The following THSD7A variants were observed in gnomAD, a reference collection of about 807,000 sequenced individuals.
THSD7A encodes thrombospondin type 1 domain containing 7A.
THSD7A carries 96 observed loss-of-function variants against 231.3 expected under a neutral mutation model. The observed-to-expected ratio is 0.41, with a 90% CI of 0.35 to 0.49. The LOEUF (loss-of-function observed/expected upper bound fraction) is 0.49. Among genes scored for constraint, THSD7A ranks in the 20% least tolerant of loss-of-function variants. THSD7A has a pLI of 0.05. For synonymous variants in THSD7A, 940 were observed against 743.3 expected, an observed-to-expected ratio of 1.26 and a Z score of -4.30; for missense variants, 2,290 against 2,070.2, an observed-to-expected ratio of 1.11 and a Z score of -2.06.
chr7:11,469,802 T>C (rs1192895961), intron 9 of THSD7A, 77 bp downstream of exon 9: 1 of 969,768 alleles, frequency 1.0e-6, no homozygotes, highest in African/African-American at 1.6e-5. Context: ...TCACAAACAT[T>C]GCTAGGCCAG....
chr7:11,662,397 C>A (rs1782960604), intron 1 of THSD7A, among the ~76,000 whole-genome samples: 1 of 151,192 alleles, frequency 6.6e-6, no homozygotes, highest in South Asian at 2.1e-4. Flanking sequence ...AACATCTGAT[C>A]TCAAACGTAT....
chr7:11,573,364 T>C (rs747764914), intron 4 of THSD7A, among the ~76,000 whole-genome samples: 1 of 151,234 alleles, frequency 6.6e-6, no homozygotes, highest in Non-Finnish European at 1.5e-5. Flanking sequence ...CTCTGTACCT[T>C]GTCCTAAAAT....
At chr7:11,720,576 C>G (rs1219444247) in intron 1 of THSD7A, among the ~76,000 whole-genome samples, 3 of 151,762 alleles carry the variant, frequency 2.0e-5, no homozygotes, top group Non-Finnish European at 2.9e-5. Context: ...CAGTTTTGCC[C>G]TAACAGATTC....
At chr7:11,685,401 T>A (rs1780006763) in intron 1 of THSD7A, among the ~76,000 whole-genome samples, 1 of 151,922 alleles carries the variant, frequency 6.6e-6, no homozygotes, top group Non-Finnish European at 1.5e-5. Flanking sequence ...AAGGAGCTTT[T>A]GCACAGCAAA....
intron 1 of THSD7A, among the ~76,000 whole-genome samples, chr7:11,770,433 G>A (rs1186656746): frequency 6.6e-6 from 1 of 152,076 alleles, no homozygotes; most frequent in South Asian, 2.1e-4. Context: ...TTTATTTTCT[G>A]TTTATCTAAA....
chr7:11,444,475 C>T lies in THSD7A; in HGVS notation c.3064+1586G>A, dbSNP rs971740408. ...TCATAAAATGGATGAAGCTGGAAACCGTCATGCCCAGCAAACTAACACAAG... is the reference window on the plus strand; with the variant it reads ...TCATAAAATGGATGAAGCTGGAAACTGTCATGCCCAGCAAACTAACACAAG... On this transcript the variant is annotated intron_variant, in intron 13 of 27. Coordinates refer to ENST00000423059, the MANE Select transcript of THSD7A (RefSeq NM_015204.3). This position sits in a 1 kb window ranked among gnomAD's most constrained non-coding sequence, Gnocchi z 4.2. 6.6e-6 allele frequency among the ~76,000 whole-genome samples: 1 copy of T among 151,744 alleles called. No homozygotes were observed. Among genetic ancestry groups the T allele is most frequent in the African/African-American group, 2.4e-5 (1 of 41,362 alleles).
At position 11,470,632 on chromosome 7, in the gene THSD7A, A is replaced by C. The variant is rs567124258; in HGVS notation, c.2253-638T>G. ...TGCATCTATTTGTGTTTTCTTTTCC[A>C]TTAGTCCCTAGTTTTAAATGATGGG... On this transcript the variant is annotated intron_variant, in intron 8 of 27. Coordinates refer to ENST00000423059, the MANE Select transcript of THSD7A (RefSeq NM_015204.3). Among the ~76,000 whole-genome samples, 7 of 151,772 alleles carry C rather than the reference A, an allele frequency of 4.6e-5. No homozygotes were observed. In the South Asian group the frequency reaches 1.2e-3, roughly 27 times the overall value.
At chr7:11,666,889 A>G (rs1387669761) in intron 1 of THSD7A, among the ~76,000 whole-genome samples, 1 of 152,052 alleles carries the variant, frequency 6.6e-6, no homozygotes, top group Non-Finnish European at 1.5e-5. Context: ...GCATTTAAAA[A>G]TATTTTTCTG....
At chr7:11,735,066 G>A (rs1049127366) in intron 1 of THSD7A, among the ~76,000 whole-genome samples, 6 of 151,852 alleles carry the variant, frequency 4.0e-5, no homozygotes, top group African/African-American at 1.4e-4. Flanking sequence ...TTCCGTTTCT[G>A]AAATGCCTTC....
chr7:11,480,235 G>A (rs1399867602), intron 7 of THSD7A, among the ~76,000 whole-genome samples: 1 of 152,138 alleles, frequency 6.6e-6, no homozygotes, highest in Non-Finnish European at 1.5e-5. Flanking sequence ...ACAAATTTCT[G>A]CCTTTAAAAC....
Position 11,715,838 on chromosome 7 carries a change from G to A in THSD7A, c.191-78877C>T, listed in dbSNP as rs541432362. Among the ~76,000 whole-genome samples, 5 of 151,414 alleles carry A rather than the reference G, an allele frequency of 3.3e-5. No individual in the cohort carries two copies. The South Asian group carries it at 8.3e-4, about 25-fold the overall frequency. ...GGATGAAAAACAGTAAATGATGGAC[G>A]CTTTATTACATGAAAGCCAGTTTGT... On this transcript the variant is annotated intron_variant, in intron 1 of 27. Transcript: ENST00000423059.
intron 1 of THSD7A, among the ~76,000 whole-genome samples, chr7:11,811,820 G>A (rs1583310245): frequency 6.6e-6 from 1 of 152,078 alleles, no homozygotes; most frequent in South Asian, 2.1e-4. Context: ...TTTCTGGGAA[G>A]AAAAGAAAAG....
chr7:11,802,311 A>T (rs1784298426), intron 1 of THSD7A, among the ~76,000 whole-genome samples: 1 of 152,144 alleles, frequency 6.6e-6, no homozygotes, highest in Admixed American at 6.6e-5. Flanking sequence ...ATTTAATTAA[A>T]ATCTTTTGGT....
chr7:11,666,383 A>C (rs1349374060), intron 1 of THSD7A, among the ~76,000 whole-genome samples: 1 of 151,860 alleles, frequency 6.6e-6, no homozygotes, highest in Admixed American at 6.6e-5. Flanking sequence ...TGGTCATTGA[A>C]CCATCAGAAA....
chr7:11,787,952 T>C (rs185585633), intron 1 of THSD7A, among the ~76,000 whole-genome samples: 53 of 152,152 alleles, frequency 3.5e-4, no homozygotes, highest in Middle Eastern at 3.4e-3. Flanking sequence ...CAGGCATTAG[T>C]TCCATGTTAC....
chr7:11,758,077 A>T (rs1287524793), intron 1 of THSD7A, among the ~76,000 whole-genome samples: 1 of 150,394 alleles, frequency 6.6e-6, no homozygotes, highest in Non-Finnish European at 1.5e-5. Flanking sequence ...CCTAATAAAT[A>T]AGTGCATTAT....
intron 4 of THSD7A, among the ~76,000 whole-genome samples, chr7:11,571,660 G>A (rs954365419): frequency 3.9e-5 from 6 of 152,180 alleles, no homozygotes; most frequent in African/African-American, 1.4e-4. Context: ...ATGTCCGTTT[G>A]TCATGCTCAC....
chr7:11,709,585 A>G lies in THSD7A; in HGVS notation c.191-72624T>C, dbSNP rs867960099. ...TCTCTTTTGGTGTATAGTTCAGTCA[A>G]TACCTGATACACTATTTTAAAAAAT... On this transcript the variant is annotated intron_variant, in intron 1 of 27. Transcript: ENST00000423059. 8.0e-5 allele frequency among the ~76,000 whole-genome samples: 12 copies of G among 150,868 alleles called. 1 individual carries two copies. The highest frequency in any genetic ancestry group is 2.4e-4 in the African/African-American group (10 of 41,286).
chr7:11,380,436 A>C (rs1401478809), intron 24 of THSD7A, among the ~76,000 whole-genome samples: 3 of 152,338 alleles, frequency 2.0e-5, no homozygotes, highest in African/African-American at 7.2e-5. Flanking sequence ...TCAGTTTAAC[A>C]GAATTTTAGC....
Sources: gnomAD v4.1 joint callset for allele counts (sites outside exome capture counted in the v4.1 genomes callset) on GRCh38, gnomAD v4.1.1 for gene constraint, Gnocchi (gnomAD v3.1) non-coding constraint, MANE v1.5 for transcripts, NCBI Gene and HGNC (gene_info 2026-07-23, HGNC 2026-07-21) for gene names.